RBFOX1: variants seen among roughly 807,000 people sequenced by gnomAD.
RBFOX1 encodes the protein RNA binding fox-1 homolog 1.
Under a neutral mutation model 57.7 loss-of-function variants are expected in RBFOX1, and 8 were observed. The ratio of observed to expected loss-of-function variants is 0.14; its 90% CI spans 0.08 to 0.25. The LOEUF (loss-of-function observed/expected upper bound fraction) is 0.25, where lower values mean the gene tolerates loss of function less well. RBFOX1 is among the 10% of genes least tolerant of loss of function. The pLI is 1.00. For missense variants in RBFOX1, 611 were observed against 548.5 expected (o/e 1.11, Z -1.14); for synonymous variants, 326 against 222.4 (o/e 1.47, Z -4.15).
chr16:6,883,145 G>C (rs989590753), intron 3 of RBFOX1, among the ~76,000 whole-genome samples: 2 of 152,118 alleles, frequency 1.3e-5, no homozygotes, highest in Non-Finnish European at 2.9e-5. Flanking sequence ...AGGCAGAGGT[G>C]GGGAGGTAGC....
intron 3 of RBFOX1, among the ~76,000 whole-genome samples, chr16:6,993,631 C>T (rs57991974): frequency 1.1e-4 from 16 of 152,112 alleles, no homozygotes; most frequent in African/African-American, 2.6e-4. Context: ...TCCACTCAGC[C>T]GGGCCACTTC....
intron 2 of RBFOX1, among the ~76,000 whole-genome samples, chr16:6,334,269 A>G (rs917052466): frequency 3.3e-5 from 5 of 152,184 alleles, no homozygotes; most frequent in African/African-American, 1.2e-4. Context: ...GCGCTTTGGG[A>G]GGCCAAGGTG....
intron 2 of RBFOX1, among the ~76,000 whole-genome samples, chr16:6,625,185 A>G (rs979919277): frequency 6.9e-6 from 1 of 145,046 alleles, no homozygotes; most frequent in Admixed American, 6.9e-5. Flanking sequence ...AAAAAAAAAA[A>G]GGTATTCTGG....
At chr16:5,589,793 C>T (rs2046947387) in intron 2 of RBFOX1, among the ~76,000 whole-genome samples, 1 of 152,216 alleles carries the variant, frequency 6.6e-6, no homozygotes, top group Non-Finnish European at 1.5e-5. Context: ...GCCACCCAGA[C>T]AGACTCCTGG....
chr16:6,936,072 C>G (rs967639086), intron 3 of RBFOX1, among the ~76,000 whole-genome samples: 1 of 152,196 alleles, frequency 6.6e-6, no homozygotes, highest in Admixed American at 6.6e-5. Flanking sequence ...GTCAGGCTGA[C>G]TGCGGGCATT....
intron 3 of RBFOX1, among the ~76,000 whole-genome samples, chr16:6,726,953 C>T (rs1158388264): frequency 6.6e-5 from 10 of 151,838 alleles, no homozygotes; most frequent in African/African-American, 1.2e-4. Context: ...TCTAATGGCA[C>T]AGCCTATGTG....
At chr16:6,161,763 T>C (rs1478787622) in intron 1 of RBFOX1, among the ~76,000 whole-genome samples, 1 of 152,230 alleles carries the variant, frequency 6.6e-6, no homozygotes, top group Non-Finnish European at 1.5e-5. Flanking sequence ...CTGGTTTCTG[T>C]CTTGCTCCAA....
chr16:7,269,779 T>C (rs1193335726), intron 4 of RBFOX1, among the ~76,000 whole-genome samples: 2 of 152,222 alleles, frequency 1.3e-5, no homozygotes, highest in Non-Finnish European at 2.9e-5. Flanking sequence ...TGCTAAAAAG[T>C]ATTGTGTCAG....
At chr16:5,557,854 C>A (rs550875290) in intron 2 of RBFOX1, among the ~76,000 whole-genome samples, 42 of 152,306 alleles carry the variant, frequency 2.8e-4, no homozygotes, top group African/African-American at 9.9e-4. Context: ...TCGTCCTGGC[C>A]CCGTATAAAC....
intron 3 of RBFOX1, among the ~76,000 whole-genome samples, chr16:7,000,586 C>G (rs377123560): frequency 2.1e-5 from 2 of 95,846 alleles, no homozygotes; most frequent in African/African-American, 6.8e-5. Flanking sequence ...TTTTTTCTTT[C>G]TTTTTCTTTC....
chr16:7,215,845 C>G (rs1034479670), intron 4 of RBFOX1, among the ~76,000 whole-genome samples: 28 of 151,884 alleles, frequency 1.8e-4, no homozygotes, highest in African/African-American at 6.8e-4. Flanking sequence ...CTGCCTCAGC[C>G]TCCCGATTAG....
chr16:6,265,839 A>G (rs933477803), intron 1 of RBFOX1, among the ~76,000 whole-genome samples: 1 of 152,056 alleles, frequency 6.6e-6, no homozygotes, highest in African/African-American at 2.4e-5. Flanking sequence ...TTCTGCCCAG[A>G]TTCTTCTTGC....
intron 2 of RBFOX1, among the ~76,000 whole-genome samples, chr16:5,558,864 CAA>C (rs2045780213): frequency 6.6e-6 from 1 of 152,134 alleles, no homozygotes; most frequent in African/African-American, 2.4e-5. Context: ...GGTCCACGTA[CAA>C]GAGAGACACC....
intron 4 of RBFOX1, among the ~76,000 whole-genome samples, chr16:7,277,589 T>C (rs1307669943): frequency 6.6e-6 from 1 of 152,140 alleles, no homozygotes; most frequent in Non-Finnish European, 1.5e-5. Context: ...CTTCATAAAA[T>C]ACAGGTATTT....
intron 4 of RBFOX1, among the ~76,000 whole-genome samples, chr16:7,385,191 A>C (rs2097855381): frequency 6.6e-6 from 1 of 152,246 alleles, no homozygotes; most frequent in South Asian, 2.1e-4. Flanking sequence ...TATATGAATT[A>C]CGGATGCAGA....
At chr16:6,091,509 C>T (rs1014469001) in intron 1 of RBFOX1, among the ~76,000 whole-genome samples, 1 of 144,528 alleles carries the variant, frequency 6.9e-6, no homozygotes, top group Non-Finnish European at 1.5e-5. Context: ...CACTCCTCAA[C>T]TGACTACATG....
intron 3 of RBFOX1, among the ~76,000 whole-genome samples, chr16:6,696,957 T>C (rs1374716424): frequency 6.6e-6 from 1 of 152,198 alleles, no homozygotes; most frequent in Non-Finnish European, 1.5e-5. Context: ...GCCTGTAGCC[T>C]CTAGTTGATT....
intron 13 of RBFOX1, among the ~76,000 whole-genome samples, chr16:7,671,290 T>C (rs914693758): frequency 2.6e-5 from 4 of 152,234 alleles, no homozygotes; most frequent in Non-Finnish European, 5.9e-5. Flanking sequence ...ATTATCTTTT[T>C]CTTCTTTAGA....
chr16:6,972,438 G>C (rs1007948852), intron 3 of RBFOX1, among the ~76,000 whole-genome samples: 10 of 152,110 alleles, frequency 6.6e-5, no homozygotes, highest in African/African-American at 2.4e-4. Flanking sequence ...TCAAGGCTAA[G>C]TAATATTCCC....
Sources: allele counts gnomAD v4.1 joint callset (sites outside exome capture counted in the v4.1 genomes callset), GRCh38; gene constraint gnomAD v4.1.1; transcripts MANE v1.5; gene names NCBI Gene and HGNC (gene_info 2026-07-23, HGNC 2026-07-21).